TCF7L2: variants seen among roughly 807,000 people sequenced by gnomAD.
TCF7L2 encodes the protein transcription factor 7-like 2.
A neutral mutation model predicts 77.9 loss-of-function variants in TCF7L2; 23 were observed. The ratio of observed to expected loss-of-function variants is 0.30; its 90% CI spans 0.21 to 0.42. The LOEUF (loss-of-function observed/expected upper bound fraction) is 0.42, where lower values mean the gene tolerates loss of function less well. TCF7L2 is among the 10% of genes least tolerant of loss of function. The probability of loss-of-function intolerance (pLI) is 1.00; values close to 1 mark genes in which losing one functional copy is unlikely to be tolerated. For synonymous variants in TCF7L2, 413 were observed against 340.2 expected, an observed-to-expected ratio of 1.21 and a Z score of -2.36; for missense variants, 654 against 793.1, an observed-to-expected ratio of 0.82 and a Z score of 2.11.
At chr10:113,078,882 G>T (rs1274040322) in intron 5 of TCF7L2, among the ~76,000 whole-genome samples, 2 of 151,846 alleles carry the variant, frequency 1.3e-5, no homozygotes, top group Admixed American at 1.3e-4. Flanking sequence ...ACCCAGGCTG[G>T]AGTGCAGTGG....
intron 3 of TCF7L2, among the ~76,000 whole-genome samples, chr10:112,952,365 C>G (rs868616816): frequency 2.8e-4 from 42 of 152,080 alleles, no homozygotes; most frequent in African/African-American, 9.7e-4. Flanking sequence ...CCCGCAGGGC[C>G]GCGAGCGCCC....
intron 5 of TCF7L2, among the ~76,000 whole-genome samples, chr10:113,109,047 C>G (rs780993365): frequency 7.9e-5 from 12 of 152,238 alleles, no homozygotes; most frequent in Admixed American, 1.3e-4. Context: ...TCCCTGCCGA[C>G]AGTGTGTATA....
chr10:113,103,017 C>G (rs535030598), intron 5 of TCF7L2, among the ~76,000 whole-genome samples: 2 of 152,330 alleles, frequency 1.3e-5, no homozygotes, highest in South Asian at 4.1e-4. Flanking sequence ...TATATTAACT[C>G]ATTTAATCTG....
Position 113,094,841 on chromosome 10 carries a change from G to A in TCF7L2, c.553-46343G>A, listed in dbSNP as rs570723606. On this transcript the variant is annotated intron_variant, in intron 5 of 13. Coordinates refer to ENST00000627217, the MANE Select transcript of TCF7L2 (RefSeq NM_001146274.2). ...TGTTTCCAAAGTTCCGCTGTTGGCC[G>A]GGCACTGTGGCTCATGCCTGAAATC... Among the ~76,000 whole-genome samples, 3 of 152,244 alleles carry A rather than the reference G, an allele frequency of 2.0e-5. No individual in the cohort carries two copies. The East Asian group carries it at 5.8e-4, about 29-fold the overall frequency.
intron 5 of TCF7L2, among the ~76,000 whole-genome samples, chr10:113,051,192 G>A (rs1457271479): frequency 1.4e-5 from 2 of 139,346 alleles, no homozygotes; most frequent in Non-Finnish European, 3.0e-5. Flanking sequence ...CTTCATACAT[G>A]TGCATACACA....
At chr10:112,998,016 G>A (rs1392307770) in intron 4 of TCF7L2, among the ~76,000 whole-genome samples, 1 of 152,016 alleles carries the variant, frequency 6.6e-6, no homozygotes, top group Non-Finnish European at 1.5e-5. Context: ...AGGTGTGGGG[G>A]TATATGGTAT....
At chr10:113,017,241 C>CAGT (rs1564788730) in intron 4 of TCF7L2, among the ~76,000 whole-genome samples, 2 of 152,190 alleles carry the variant, frequency 1.3e-5, no homozygotes, top group Non-Finnish European at 2.9e-5. Flanking sequence ...TCCCACAGGG[C>CAGT]AGTAATATCT....
chr10:113,121,173 A>T (rs2064711128), intron 5 of TCF7L2, among the ~76,000 whole-genome samples: 1 of 152,194 alleles, frequency 6.6e-6, no homozygotes, highest in South Asian at 2.1e-4. Context: ...AACTGAATGA[A>T]AAATCATGAT....
Position 113,161,570 on chromosome 10 carries a change from T to C in TCF7L2, c.1391+879T>C, listed in dbSNP as rs1306856944. 9.1e-6 allele frequency: 14 copies of C among 1,536,136 alleles called. No homozygotes were observed. The East Asian group carries it at 3.2e-4, about 35-fold the overall frequency. ...TAAATGTGTTGTTTCTTTGTTCTGATACAAGCAGTCTTTGAATTTGGAATA... is the reference window on the plus strand; with the variant it reads ...TAAATGTGTTGTTTCTTTGTTCTGACACAAGCAGTCTTTGAATTTGGAATA... On this transcript the variant is annotated intron_variant, in intron 13 of 13. Transcript: ENST00000627217.
At chr10:112,954,848 C>G (rs916527781) in intron 3 of TCF7L2, among the ~76,000 whole-genome samples, 1 of 152,150 alleles carries the variant, frequency 6.6e-6, no homozygotes, top group African/African-American at 2.4e-5. Flanking sequence ...CAACCGAGCT[C>G]TTTGCTACTA....
chr10:113,118,072 C>T (rs2064124235), intron 5 of TCF7L2, among the ~76,000 whole-genome samples: 2 of 151,716 alleles, frequency 1.3e-5, no homozygotes, highest in African/African-American at 4.8e-5. Context: ...CATTTCCAAC[C>T]ATTTCCAGGA....
At chr10:113,158,680 T>C (rs2072470778) in intron 12 of TCF7L2, 1 of 1,613,834 alleles carries the variant, frequency 6.2e-7, no homozygotes, top group African/African-American at 1.3e-5. Context: ...ACAGCGAATG[T>C]TTCCTAAATC....
chr10:113,161,663 T>C lies in TCF7L2; in HGVS notation c.1391+972T>C, dbSNP rs139503917. On this transcript the variant is annotated intron_variant, in intron 13 of 13. Coordinates refer to ENST00000627217, the MANE Select transcript of TCF7L2 (RefSeq NM_001146274.2). ...TTTGTAGTGCCTCCCTCGTCACGTG[T>C]CCCTCCCCTTCATGACTTTGCCATG... 788 of 1,519,518 alleles carry C rather than the reference T, an allele frequency of 5.2e-4. 4 individuals are homozygous for C. The African/African-American group carries it at 8.2e-3, about 16-fold the overall frequency. 94.1% of individuals were successfully genotyped at this position (1,519,518 alleles called of 1,614,324 possible). A position where few individuals can be genotyped will look rare whatever the true frequency, so the allele number is the denominator to read the frequency against.
At chr10:113,063,881 A>G (rs2134990392) in intron 5 of TCF7L2, among the ~76,000 whole-genome samples, 1 of 141,726 alleles carries the variant, frequency 7.1e-6, no homozygotes, top group Admixed American at 7.4e-5. Flanking sequence ...GTGTGTGTGC[A>G]CATGGATGTG....
intron 5 of TCF7L2, among the ~76,000 whole-genome samples, chr10:113,128,231 C>A (rs2065980491): frequency 1.3e-5 from 2 of 151,958 alleles, no homozygotes; most frequent in Non-Finnish European, 2.9e-5. Context: ...CTGACACTTA[C>A]ACAGGAAGGC....
At chr10:113,008,423 G>A (rs2045935725) in intron 4 of TCF7L2, among the ~76,000 whole-genome samples, 1 of 152,188 alleles carries the variant, frequency 6.6e-6, no homozygotes, top group Admixed American at 6.5e-5. Context: ...TTTCTGTGGG[G>A]TCTTGAGACC....
intron 5 of TCF7L2, among the ~76,000 whole-genome samples, chr10:113,137,939 G>C (rs936262575): frequency 6.6e-6 from 1 of 152,226 alleles, no homozygotes; most frequent in Admixed American, 6.5e-5. Context: ...GGAAGAAAGG[G>C]TTCTGGGGTC....
At position 113,151,011 on chromosome 10, in the gene TCF7L2, A is replaced by G. The variant is rs755479164; in HGVS notation, c.889A>G (p.Met297Val). 28 of 1,613,290 alleles carry G rather than the reference A, an allele frequency of 1.7e-5. No individual in the cohort carries two copies. Among genetic ancestry groups the G allele is most frequent in the Non-Finnish European group, 2.0e-5 (24 of 1,179,934 alleles). ...TCTGTCTTCTAGGTTCCCTCCCCAT[A>G]TGGTCCCACCACATCATACGCTACA... Residue 297 changes from methionine (M) to valine (V), a missense_variant, in exon 9 of 14, where the codon ATG becomes GTG. Met to Val is a conservative substitution (Grantham distance 21, BLOSUM62 1). Coordinates refer to ENST00000627217, the MANE Select transcript of TCF7L2 (RefSeq NM_001146274.2). This position sits in a 1 kb window ranked among gnomAD's most constrained non-coding sequence, Gnocchi z 5.2.
chr10:112,980,906 G>A (rs781326273), intron 4 of TCF7L2, among the ~76,000 whole-genome samples: 25 of 152,198 alleles, frequency 1.6e-4, no homozygotes, highest in Non-Finnish European at 2.6e-4. Context: ...GATTACAGGC[G>A]TGAGCCACCA....
Sources: allele counts gnomAD v4.1 joint callset (sites outside exome capture counted in the v4.1 genomes callset), GRCh38; gene constraint gnomAD v4.1.1; non-coding constraint Gnocchi (gnomAD v3.1); transcripts MANE v1.5; gene names NCBI Gene and HGNC (gene_info 2026-07-23, HGNC 2026-07-21).